The following VWA3B variants were observed in gnomAD, a reference collection of about 807,000 sequenced individuals.
VWA3B encodes the protein von Willebrand factor A domain-containing protein 3B.
VWA3B carries 138 observed loss-of-function variants against 158.3 expected under a neutral mutation model. That is an observed-to-expected ratio of 0.87 (90% confidence interval 0.76 to 1.00). VWA3B has a LOEUF of 1.00. Among genes scored for constraint, VWA3B ranks in the 50% least tolerant of loss-of-function variants. The pLI is 0.00. For missense variants in VWA3B, 1,555 were observed against 1,565.1 expected (o/e 0.99, Z 0.11); for synonymous variants, 596 against 587.3 (o/e 1.01, Z -0.21).
chr2:98,140,837 C>T (rs940040391), intron 7 of VWA3B, among the ~76,000 whole-genome samples: 9 of 152,188 alleles, frequency 5.9e-5, no homozygotes, highest in African/African-American at 1.9e-4. Context: ...CATTGAGCTT[C>T]CCTGAACTCT....
At chr2:98,220,963 G>A (rs928814704) in intron 14 of VWA3B, among the ~76,000 whole-genome samples, 13 of 152,124 alleles carry the variant, frequency 8.5e-5, no homozygotes, top group African/African-American at 2.9e-4. Context: ...CACACCTGGG[G>A]CCTGTCGGGG....
At chr2:98,207,871 T>C (rs1683151936) in intron 12 of VWA3B, 1 of 185,926 alleles carries the variant, frequency 5.4e-6, no homozygotes, top group Non-Finnish European at 1.1e-5. Context: ...GTATTTAAGG[T>C]TTCCAATACA....
At chr2:98,179,311 C>T (rs778422520) in intron 8 of VWA3B, 27 of 471,020 alleles carry the variant, frequency 5.7e-5, no homozygotes, top group African/African-American at 1.4e-4. Context: ...TGGCTTGTCC[C>T]GCTCAGGTAA....
intron 12 of VWA3B, among the ~76,000 whole-genome samples, chr2:98,208,088 A>G (rs908614621): frequency 3.3e-5 from 5 of 152,008 alleles, no homozygotes; most frequent in African/African-American, 1.2e-4. Context: ...TTCTTGGTGG[A>G]TAGAGAATTT....
At chr2:98,182,224 G>A (rs183139709) in intron 9 of VWA3B, among the ~76,000 whole-genome samples, 2 of 152,176 alleles carry the variant, frequency 1.3e-5, no homozygotes, top group Non-Finnish European at 2.9e-5. Context: ...ATTCTTGAAG[G>A]CTCCGATTCA....
intron 5 of VWA3B, among the ~76,000 whole-genome samples, chr2:98,126,297 G>A (rs1168904772): frequency 3.3e-5 from 5 of 152,168 alleles, no homozygotes; most frequent in African/African-American, 4.8e-5. Context: ...TTTACATGAC[G>A]TGCATTGGAC....
intron 21 of VWA3B, among the ~76,000 whole-genome samples, chr2:98,257,592 A>G (rs921171228): frequency 6.6e-6 from 1 of 151,578 alleles, no homozygotes; most frequent in Non-Finnish European, 1.5e-5. Flanking sequence ...GTGAAAGGCT[A>G]TTCTGCTGTG....
intron 12 of VWA3B, among the ~76,000 whole-genome samples, chr2:98,210,114 AGTT>A (rs1683384152): frequency 6.6e-6 from 1 of 152,110 alleles, no homozygotes; most frequent in African/African-American, 2.4e-5. Flanking sequence ...AGTACTCAAT[AGTT>A]GTTGTTTTAT....
intron 14 of VWA3B, among the ~76,000 whole-genome samples, chr2:98,226,597 A>G (rs554287178): frequency 1.4e-4 from 21 of 152,334 alleles, no homozygotes; most frequent in African/African-American, 4.8e-4. Context: ...AAAAGCTTTC[A>G]CTCTGTGGGA....
At chr2:98,204,140 C>T (rs895310289) in intron 12 of VWA3B, among the ~76,000 whole-genome samples, 1 of 152,186 alleles carries the variant, frequency 6.6e-6, no homozygotes, top group Admixed American at 6.5e-5. Flanking sequence ...ACCAGTCCCC[C>T]ACAGATACTA....
intron 8 of VWA3B, among the ~76,000 whole-genome samples, chr2:98,168,007 A>T (rs1301517158): frequency 6.6e-6 from 1 of 152,250 alleles, no homozygotes; most frequent in Non-Finnish European, 1.5e-5. Flanking sequence ...AAGCTCAAGA[A>T]AATTTGTAAG....
rs1016631308 is a variant in VWA3B, at chr2:98,263,085, A to G, written c.2843+6911A>G. Among the ~76,000 whole-genome samples, 10 of 151,804 alleles carry G rather than the reference A, an allele frequency of 6.6e-5. 1 individual carries two copies. The highest frequency in any genetic ancestry group is 2.4e-4 in the African/African-American group (10 of 41,354). ...ATTCCTTACCTGATTGTTCATTGTT[A>G]GTGTATAGAAATGCAACTTATTTTG... On this transcript the variant is annotated intron_variant, in intron 21 of 27. Transcript: ENST00000477737.
chr2:98,152,549 T>C (rs917118099), intron 7 of VWA3B, among the ~76,000 whole-genome samples: 1 of 152,200 alleles, frequency 6.6e-6, no homozygotes, highest in Non-Finnish European at 1.5e-5. Flanking sequence ...AGACTTCTGA[T>C]CTCTTGGGTT....
Position 98,300,070 on chromosome 2 carries a change from C to G in VWA3B, c.3283-9C>G, listed in dbSNP as rs1690077803. 6.2e-7 allele frequency: 1 copy of G among 1,614,056 alleles called. No individual in the cohort carries two copies. Among genetic ancestry groups the G allele is most frequent in the African/African-American group, 1.3e-5 (1 of 74,934 alleles). On this transcript the variant is annotated splice_polypyrimidine_tract_variant and intron_variant, in intron 24 of 27. Transcript: ENST00000477737. ...AAGCAAAATATTTGCTCTATGTTCT[C>G]CTCTGCAGGTTGGAGATTATGTGTT...
chr2:98,322,730 A>T, the VWA3B span, among the ~76,000 whole-genome samples: 2 of 152,180 alleles, frequency 1.3e-5, no homozygotes, highest in Non-Finnish European at 2.9e-5. Flanking sequence ...AACAGATGGA[A>T]ATTTAAGCAA....
At chr2:98,153,451 GA>G (rs1168442459) in intron 7 of VWA3B, among the ~76,000 whole-genome samples, 1 of 152,108 alleles carries the variant, frequency 6.6e-6, no homozygotes, top group Non-Finnish European at 1.5e-5. Flanking sequence ...AAAAATGCAT[GA>G]ACTAAGACTA....
chr2:98,190,023 A>T (rs181795307), intron 10 of VWA3B, among the ~76,000 whole-genome samples: 2 of 152,230 alleles, frequency 1.3e-5, no homozygotes, highest in Non-Finnish European at 2.9e-5. Context: ...TTTGGCTTTT[A>T]ATTGGAGTGT....
intron 7 of VWA3B, among the ~76,000 whole-genome samples, chr2:98,147,685 G>A (rs1677275589): frequency 6.6e-6 from 1 of 151,364 alleles, no homozygotes; most frequent in South Asian, 2.1e-4. Flanking sequence ...TCTTTTTTGG[G>A]GTGTATTTTT....
intron 12 of VWA3B, 149 bp from the exon 13 acceptor site, chr2:98,211,781 C>A: frequency 1.5e-6 from 1 of 671,596 alleles, no homozygotes; most frequent in Non-Finnish European, 2.5e-6. Flanking sequence ...TTCTTGGAAT[C>A]ACTGGGGTTA....
Sources: allele counts gnomAD v4.1 joint callset (sites outside exome capture counted in the v4.1 genomes callset), GRCh38; gene constraint gnomAD v4.1.1; transcripts MANE v1.5; gene names NCBI Gene and HGNC (gene_info 2026-07-23, HGNC 2026-07-21).